ACSS2: variants seen among roughly 807,000 people sequenced by gnomAD.
The protein encoded by ACSS2 is acyl-CoA synthetase short chain family member 2.
In ACSS2, 58 loss-of-function variants were observed where a neutral mutation model predicts 90.6. The ratio of observed to expected loss-of-function variants is 0.64; its 90% CI spans 0.52 to 0.80. The LOEUF is 0.80. Among genes scored for constraint, ACSS2 ranks in the 30% least tolerant of loss-of-function variants. The pLI is 0.00. For missense variants in ACSS2, 759 were observed against 912.0 expected (o/e 0.83, Z 2.16); for synonymous variants, 300 against 330.9 (o/e 0.91, Z 1.01).
chr20:34,891,772 A>G (rs531071686), intron 2 of ACSS2, among the ~76,000 whole-genome samples: 1 of 152,308 alleles, frequency 6.6e-6, no homozygotes, highest in East Asian at 1.9e-4. Context: ...CCTGAGTTTT[A>G]TGACCCTTGA....
chr20:34,876,532 C>G (rs1291077524), upstream of ACSS2: 5 of 1,223,154 alleles, frequency 4.1e-6, no homozygotes. Context: ...GCCACTCCCC[C>G]ACTCACCAGG....
At chr20:34,900,063 T>C (rs942725622) in intron 2 of ACSS2, among the ~76,000 whole-genome samples, 10 of 152,164 alleles carry the variant, frequency 6.6e-5, no homozygotes, top group East Asian at 5.8e-4. Context: ...CACATGCTTG[T>C]CAGCACTTGT....
In ACSS2 at chr20:34,896,641, A is replaced by T. The variant is rs567300686; in HGVS notation, c.374+13652A>T. On this transcript the variant is annotated intron_variant, in intron 2 of 17. Transcript: ENST00000360596. ...GTGGTAAGCACTAAGGAGAAAACAT[A>T]TAAAAAGATATCCTGTCTGCCATTA... 5.3e-5 allele frequency among the ~76,000 whole-genome samples: 8 copies of T among 152,378 alleles called. No individual in the cohort carries two copies. In the East Asian group the frequency reaches 1.5e-3, roughly 29 times the overall value.
intron 1 of ACSS2, among the ~76,000 whole-genome samples, chr20:34,877,909 CAGATAGATAGAT>C (rs71196766): frequency 1.6e-4 from 24 of 146,534 alleles, no homozygotes; most frequent in African/African-American, 5.3e-4. Context: ...GATAGATAGA[CAGATAGATAGAT>C]AGATAGATAG....
chr20:34,878,476 TG>T (rs1242116485), intron 1 of ACSS2, among the ~76,000 whole-genome samples: 1 of 152,228 alleles, frequency 6.6e-6, no homozygotes, highest in Non-Finnish European at 1.5e-5. Flanking sequence ...GTAATAAGTA[TG>T]CGCTATAACA....
Position 34,913,217 on chromosome 20 carries a change from G to T in ACSS2, c.466+30G>T, listed in dbSNP as rs747045202. ...GTGTGGGGGTGTGGGAAAGGACTGGGGGTCTGGCCTTGGGGTATCTGAGTA... is the reference window on the plus strand; with the variant it reads ...GTGTGGGGGTGTGGGAAAGGACTGGTGGTCTGGCCTTGGGGTATCTGAGTA... On this transcript the variant is annotated intron_variant, in intron 3 of 17. Coordinates refer to ENST00000360596, the MANE Select transcript of ACSS2 (RefSeq NM_018677.4). 43 of 1,608,556 alleles carry T rather than the reference G, an allele frequency of 2.7e-5. 1 individual carries two copies. In the East Asian group the frequency reaches 8.7e-4, roughly 33 times the overall value.
intron 2 of ACSS2, among the ~76,000 whole-genome samples, chr20:34,905,392 C>T (rs566243800): frequency 1.7e-3 from 259 of 152,154 alleles, no homozygotes; most frequent in African/African-American, 5.8e-3. Context: ...CCTGCCTCAG[C>T]CTCCCGAGTA....
At chr20:34,915,351 C>A in intron 7 of ACSS2, 1 of 1,427,488 alleles carries the variant, frequency 7.0e-7, no homozygotes, top group Non-Finnish European at 9.9e-7. Context: ...GAGGTGGCTG[C>A]CAGACCTAAC....
At chr20:34,898,235 C>G (rs1222772114) in intron 2 of ACSS2, among the ~76,000 whole-genome samples, 1 of 152,192 alleles carries the variant, frequency 6.6e-6, no homozygotes, top group East Asian at 1.9e-4. Flanking sequence ...CGGGTTACCA[C>G]TGCTGGCTGG....
chr20:34,888,944 C>CT (rs1308748056), intron 2 of ACSS2, among the ~76,000 whole-genome samples: 1 of 151,504 alleles, frequency 6.6e-6, no homozygotes, highest in Admixed American at 6.6e-5. Flanking sequence ...CATGTCACAT[C>CT]TTGAAAGCCA....
rs962936073 is a variant in ACSS2 at position 34,914,325 on chromosome 20, G to T, written c.722G>T (p.Gly241Val). Residue 241 changes from glycine (G) to valine (V), a missense_variant and splice_region_variant, in exon 7 of 18, where the codon GGT becomes GTT. Physicochemically the swap from Gly to Val is moderately radical, Grantham distance 109. Transcript: ENST00000360596. The stretch of plus-strand genomic sequence containing the variant: ...CTTTAGGCTTTTCTCTTCTCCAGGG[G>T]TTTCCCAGTAAGATGCTGCATTGTG... ...DEALQKCQEK[G>V]FPVRCCIVVK... 1.2e-6 allele frequency: 2 copies of T among 1,612,720 alleles called. No individual in the cohort carries two copies. Among genetic ancestry groups the T allele is most frequent in the Non-Finnish European group, 8.5e-7 (1 of 1,179,378 alleles).
chr20:34,923,278 A>C, intron 13 of ACSS2, 45 bp from the exon 14 acceptor site: 1 of 1,345,260 alleles, frequency 7.4e-7, no homozygotes, highest in South Asian at 1.2e-5. Context: ...TCTTCCAGTG[A>C]GACAGCATAG....
intron 16 of ACSS2, 55 bp downstream of exon 16, chr20:34,926,336 CA>C: frequency 6.4e-7 from 1 of 1,572,106 alleles, no homozygotes; most frequent in African/African-American, 1.4e-5. Context: ...GCCCAGTTAT[CA>C]CTGCAAGTTG....
At chr20:34,875,248 G>C (rs975484780), upstream of ACSS2, 5 of 516,176 alleles carry the variant, frequency 9.7e-6, no homozygotes, top group African/African-American at 9.7e-5. Context: ...GGTTTCCCTT[G>C]GTGGAGTAAA....
intron 2 of ACSS2, among the ~76,000 whole-genome samples, chr20:34,910,468 G>A (rs1476673697): frequency 6.6e-6 from 1 of 152,088 alleles, no homozygotes; most frequent in Non-Finnish European, 1.5e-5. Context: ...ACAATATATC[G>A]AGACTCTGCC....
intron 4 of ACSS2, 120 bp from the exon 5 acceptor site, chr20:34,913,633 A>G (rs2081014123): frequency 2.4e-6 from 3 of 1,256,618 alleles, no homozygotes; most frequent in South Asian, 1.3e-5. Flanking sequence ...CATATTAGTT[A>G]TTCAGTTTCT....
chr20:34,909,786 C>T (rs537928376), intron 2 of ACSS2, among the ~76,000 whole-genome samples: 21 of 151,496 alleles, frequency 1.4e-4, no homozygotes, highest in African/African-American at 5.1e-4. Flanking sequence ...GTGTGATCGC[C>T]GCTCGCTGTA....
At position 34,921,527 on chromosome 20, in the gene ACSS2, A is replaced by G. The variant is rs779525721; in HGVS notation, c.1411-17A>G. On this transcript the variant is annotated splice_polypyrimidine_tract_variant and intron_variant, in intron 11 of 17. Coordinates refer to ENST00000360596, the MANE Select transcript of ACSS2 (RefSeq NM_018677.4). The stretch of plus-strand genomic sequence containing the variant: ...GTGGGAAGATTGACTCAAATTTCTC[A>G]TCTCTGACTTCCCCAGGGTGGCCAC... The G allele has an allele frequency of 1.4e-5, 23 of 1,614,004 alleles. No individual in the cohort carries two copies. Among genetic ancestry groups the G allele is most frequent in the Non-Finnish European group, 1.9e-5 (22 of 1,180,026 alleles).
At chr20:34,911,488 G>A (rs532959436) in intron 2 of ACSS2, among the ~76,000 whole-genome samples, 7 of 151,382 alleles carry the variant, frequency 4.6e-5, no homozygotes, top group Admixed American at 1.3e-4. Context: ...GTGCCCAGCC[G>A]GATCCAGCTC....
Sources: gnomAD v4.1 joint callset for allele counts (sites outside exome capture counted in the v4.1 genomes callset) on GRCh38, gnomAD v4.1.1 for gene constraint, MANE v1.5 for transcripts, NCBI Gene and HGNC (gene_info 2026-07-23, HGNC 2026-07-21) for gene names.